Variants in CHRM3 observed in about 807,000 individuals in gnomAD.
CHRM3 encodes the protein muscarinic acetylcholine receptor M3.
CHRM3 carries 11 observed loss-of-function variants against 41.8 expected under a neutral mutation model. The observed-to-expected ratio is 0.26, with a 90% CI of 0.17 to 0.44. The LOEUF (loss-of-function observed/expected upper bound fraction) is 0.44. Ranked by LOEUF, CHRM3 falls within the 20% of genes least tolerant of loss-of-function variation. The pLI is 1.00. For synonymous variants in CHRM3, 297 were observed against 301.4 expected (o/e 0.99, Z 0.15); for missense variants, 571 against 745.4 (o/e 0.77, Z 2.72).
chr1:239,757,682 A>G lies in CHRM3; in HGVS notation c.-146-69570A>G, dbSNP rs114176226. Reference sequence around the variant, plus strand: ...CTCATTAAGAATGTCTGAATCGTATATTTTTTATGTACTTGCCAGTGGCTA... The same window carrying G: ...CTCATTAAGAATGTCTGAATCGTATGTTTTTTATGTACTTGCCAGTGGCTA... On this transcript the variant is annotated intron_variant, in intron 5 of 6. Transcript: ENST00000676153. Among the ~76,000 whole-genome samples the G allele has an allele frequency of 7.5e-3, 1,137 of 152,154 alleles. 14 individuals carry two copies. The highest frequency in any genetic ancestry group is 0.026 in the African/African-American group (1,090 of 41,522).
chr1:239,397,759 CTA>C (rs201587112), intron 1 of CHRM3, among the ~76,000 whole-genome samples: 1 of 145,802 alleles, frequency 6.9e-6, no homozygotes, highest in South Asian at 2.1e-4. Context: ...ATATATATTT[CTA>C]TATATATATA....
chr1:239,420,021 A>T (rs1030422525), intron 1 of CHRM3, among the ~76,000 whole-genome samples: 5 of 152,192 alleles, frequency 3.3e-5, no homozygotes. Context: ...TAATTAGGCT[A>T]ATTAGCCCGC....
At chr1:239,660,464 G>C (rs1343206279) in intron 4 of CHRM3, among the ~76,000 whole-genome samples, 1 of 152,036 alleles carries the variant, frequency 6.6e-6, no homozygotes, top group African/African-American at 2.4e-5. Context: ...AGCTTCCACA[G>C]ACCGTATAAG....
intron 6 of CHRM3, among the ~76,000 whole-genome samples, chr1:239,902,910 G>A (rs1270613132): frequency 6.6e-6 from 1 of 152,102 alleles, no homozygotes; most frequent in African/African-American, 2.4e-5. Context: ...TTGCATGACA[G>A]AAAAGGACTG....
intron 5 of CHRM3, among the ~76,000 whole-genome samples, chr1:239,768,430 A>C (rs966882705): frequency 6.6e-6 from 1 of 152,110 alleles, no homozygotes; most frequent in African/African-American, 2.4e-5. Context: ...GATGGATGAA[A>C]ATGTGATACA....
intron 1 of CHRM3, among the ~76,000 whole-genome samples, chr1:239,402,537 A>G (rs1660069196): frequency 6.6e-6 from 1 of 152,108 alleles, no homozygotes; most frequent in African/African-American, 2.4e-5. Context: ...CCGCTCTGTC[A>G]TGTCACTGTA....
intron 5 of CHRM3, among the ~76,000 whole-genome samples, chr1:239,681,411 G>A (rs1438128839): frequency 6.6e-6 from 1 of 152,150 alleles, no homozygotes; most frequent in Non-Finnish European, 1.5e-5. Flanking sequence ...GGAAATTTGG[G>A]TCTGTGCCCA....
intron 4 of CHRM3, among the ~76,000 whole-genome samples, chr1:239,642,328 G>A (rs1201297634): frequency 6.6e-6 from 1 of 151,772 alleles, no homozygotes; most frequent in African/African-American, 2.4e-5. Flanking sequence ...GCTAGATTGG[G>A]GAAGTTCTCC....
chr1:239,532,804 A>G (rs1657769486), intron 2 of CHRM3, among the ~76,000 whole-genome samples: 8 of 152,168 alleles, frequency 5.3e-5, no homozygotes, highest in Admixed American at 5.2e-4. Context: ...TCTCCTATAA[A>G]TCTATGCATA....
chr1:239,466,982 T>C (rs1030949602), intron 1 of CHRM3, among the ~76,000 whole-genome samples: 1 of 152,168 alleles, frequency 6.6e-6, no homozygotes, highest in Non-Finnish European at 1.5e-5. Context: ...TATTCACTCT[T>C]AAAGGTACTA....
intron 3 of CHRM3, among the ~76,000 whole-genome samples, chr1:239,565,804 C>T (rs1280168226): frequency 6.6e-6 from 1 of 150,880 alleles, no homozygotes; most frequent in Non-Finnish European, 1.5e-5. Context: ...CTGATCTGGT[C>T]TTGTTTTATA....
At chr1:239,450,063 C>T (rs917324672) in intron 1 of CHRM3, among the ~76,000 whole-genome samples, 5 of 152,156 alleles carry the variant, frequency 3.3e-5, no homozygotes, top group Non-Finnish European at 5.9e-5. Context: ...ACGTTTTGCA[C>T]GTTGTTGCCT....
chr1:239,579,525 C>CATTTTT (rs1662674032), intron 3 of CHRM3, among the ~76,000 whole-genome samples: 2 of 152,106 alleles, frequency 1.3e-5, no homozygotes, highest in African/African-American at 4.8e-5. Flanking sequence ...CCTATAAAGG[C>CATTTTT]AATTGACCTG....
At chr1:239,473,328 T>G (rs1666258635) in intron 1 of CHRM3, among the ~76,000 whole-genome samples, 1 of 149,612 alleles carries the variant, frequency 6.7e-6, no homozygotes. Flanking sequence ...GAAATTTATC[T>G]GTAACACATA....
chr1:239,882,303 G>A (rs936800295), intron 6 of CHRM3, among the ~76,000 whole-genome samples: 1 of 152,178 alleles, frequency 6.6e-6, no homozygotes, highest in Non-Finnish European at 1.5e-5. Context: ...CCTCTCTGGC[G>A]TGCAGGTGAT....
chr1:239,698,928 A>T (rs1248463842), intron 5 of CHRM3, among the ~76,000 whole-genome samples: 1 of 152,174 alleles, frequency 6.6e-6, no homozygotes, highest in Non-Finnish European at 1.5e-5. Context: ...GTATGTTCTC[A>T]CACACTTACT....
intron 3 of CHRM3, among the ~76,000 whole-genome samples, chr1:239,562,952 A>G (rs1661020121): frequency 2.0e-5 from 3 of 152,076 alleles, no homozygotes. Flanking sequence ...TCACCATGTA[A>G]AGAAAAATGT....
chr1:239,554,471 T>G (rs1043100607), intron 3 of CHRM3, among the ~76,000 whole-genome samples: 7 of 146,594 alleles, frequency 4.8e-5, no homozygotes, highest in Non-Finnish European at 7.5e-5. Flanking sequence ...TGTGTGTGTG[T>G]ATGTGTGTGC....
chr1:239,485,729 T>C (rs550660143), intron 1 of CHRM3, among the ~76,000 whole-genome samples: 1 of 152,186 alleles, frequency 6.6e-6, no homozygotes, highest in Non-Finnish European at 1.5e-5. Flanking sequence ...TATTTGCCAC[T>C]GCGTGATGTA....
Sources: allele counts gnomAD v4.1 joint callset (sites outside exome capture counted in the v4.1 genomes callset), GRCh38; gene constraint gnomAD v4.1.1; transcripts MANE v1.5; gene names NCBI Gene and HGNC (gene_info 2026-07-23, HGNC 2026-07-21).